Variants in SLIT3 observed in about 807,000 individuals in gnomAD.
The protein encoded by SLIT3 is slit homolog 3 protein.
SLIT3 carries 68 observed loss-of-function variants against 184.0 expected under a neutral mutation model. The observed-to-expected ratio is 0.37, with a 90% confidence interval of 0.30 to 0.45. The LOEUF (loss-of-function observed/expected upper bound fraction) is 0.45. Among genes scored for constraint, SLIT3 ranks in the 20% least tolerant of loss-of-function variants. SLIT3 has a pLI of 1.00. For missense variants in SLIT3, 1,707 were observed against 2,026.0 expected, an observed-to-expected ratio of 0.84 and a Z score of 3.02; for synonymous variants, 831 against 828.6, an observed-to-expected ratio of 1.00 and a Z score of -0.05.
intron 16 of SLIT3, among the ~76,000 whole-genome samples, chr5:168,754,504 G>C (rs1754829233): frequency 6.6e-6 from 1 of 152,108 alleles, no homozygotes; most frequent in African/African-American, 2.4e-5. Flanking sequence ...GGGAGATGAA[G>C]AGAGGTTGGT....
intron 14 of SLIT3, among the ~76,000 whole-genome samples, chr5:168,767,673 G>A (rs1006754682): frequency 6.6e-6 from 1 of 152,214 alleles, no homozygotes; most frequent in African/African-American, 2.4e-5. Flanking sequence ...TTCTCATGCT[G>A]ACGTTCATTT....
intron 4 of SLIT3, among the ~76,000 whole-genome samples, chr5:169,181,096 A>G (rs1763136679): frequency 6.6e-6 from 1 of 152,202 alleles, no homozygotes; most frequent in African/African-American, 2.4e-5. Flanking sequence ...GAAGTCAAAG[A>G]GCTTCCCCCA....
intron 4 of SLIT3, among the ~76,000 whole-genome samples, chr5:169,037,218 T>C (rs1439400571): frequency 6.6e-6 from 1 of 152,264 alleles, no homozygotes; most frequent in Non-Finnish European, 1.5e-5. Context: ...GTAGTCACTT[T>C]TTAATGTCAA....
intron 20 of SLIT3, among the ~76,000 whole-genome samples, chr5:168,743,304 T>G (rs926887710): frequency 2.6e-5 from 4 of 152,252 alleles, no homozygotes; most frequent in African/African-American, 7.2e-5. Flanking sequence ...AGTGCCATTT[T>G]TCCAACAGCA....
chr5:169,090,171 G>A (rs1251222553), intron 4 of SLIT3, among the ~76,000 whole-genome samples: 1 of 152,182 alleles, frequency 6.6e-6, no homozygotes, highest in African/African-American at 2.4e-5. Flanking sequence ...TCTGGCAGGA[G>A]ATGAAAATAC....
intron 3 of SLIT3, among the ~76,000 whole-genome samples, chr5:169,208,711 T>C (rs746834160): frequency 6.6e-6 from 1 of 152,162 alleles, no homozygotes; most frequent in Non-Finnish European, 1.5e-5. Context: ...ATAAGTGGTA[T>C]TGGGAAAACT....
At chr5:168,712,469 G>T in intron 23 of SLIT3, 115 bp from the exon 24 acceptor site, 1 of 831,340 alleles carries the variant, frequency 1.2e-6, no homozygotes, top group Non-Finnish European at 2.1e-6. Context: ...GAGCCCCACT[G>T]CTCCTAGCAG....
intron 6 of SLIT3, among the ~76,000 whole-genome samples, chr5:168,837,191 T>A (rs1400505193): frequency 6.6e-6 from 1 of 152,136 alleles, no homozygotes; most frequent in Non-Finnish European, 1.5e-5. Flanking sequence ...TTAATCCTGA[T>A]TGCATGAACA....
chr5:168,848,584 C>G (rs1230064958), intron 5 of SLIT3, among the ~76,000 whole-genome samples: 2 of 152,080 alleles, frequency 1.3e-5, no homozygotes, highest in Non-Finnish European at 2.9e-5. Flanking sequence ...AAATTAACTG[C>G]TCTAATTTCC....
intron 16 of SLIT3, among the ~76,000 whole-genome samples, chr5:168,754,472 A>T (rs1754827484): frequency 6.6e-6 from 1 of 152,172 alleles, no homozygotes; most frequent in Non-Finnish European, 1.5e-5. Flanking sequence ...AAGGATGGTT[A>T]CCAGAGGCTG....
At chr5:168,924,953 C>A (rs1467474639) in intron 4 of SLIT3, among the ~76,000 whole-genome samples, 1 of 152,122 alleles carries the variant, frequency 6.6e-6, no homozygotes, top group East Asian at 1.9e-4. Context: ...TAAGCAGTTG[C>A]CTCCTCCACT....
At chr5:169,042,197 C>T (rs889960092) in intron 4 of SLIT3, among the ~76,000 whole-genome samples, 1 of 152,112 alleles carries the variant, frequency 6.6e-6, no homozygotes, top group East Asian at 1.9e-4. Flanking sequence ...ACAAACAGAG[C>T]CCCTCAATAC....
chr5:169,059,510 C>T (rs1170904782), intron 4 of SLIT3, among the ~76,000 whole-genome samples: 1 of 152,142 alleles, frequency 6.6e-6, no homozygotes, highest in African/African-American at 2.4e-5. Context: ...GTGATTTGAA[C>T]CCAATGCTCT....
chr5:169,234,669 A>C (rs745679476), intron 3 of SLIT3, among the ~76,000 whole-genome samples: 2 of 152,064 alleles, frequency 1.3e-5, no homozygotes, highest in Non-Finnish European at 2.9e-5. Context: ...CAGCCTCCCA[A>C]AGTGCTGGGA....
chr5:168,690,720 C>T (rs1386394648), intron 29 of SLIT3, among the ~76,000 whole-genome samples: 2 of 152,138 alleles, frequency 1.3e-5, no homozygotes, highest in Non-Finnish European at 2.9e-5. Context: ...CCTGGCATAT[C>T]TGAGGGGGCA....
chr5:169,069,227 T>A (rs1261888029), intron 4 of SLIT3, among the ~76,000 whole-genome samples: 1 of 152,022 alleles, frequency 6.6e-6, no homozygotes, highest in African/African-American at 2.4e-5. Flanking sequence ...CTGAGAGGGG[T>A]CTGGAGTGCC....
At chr5:168,783,268 G>T (rs550193122) in intron 12 of SLIT3, among the ~76,000 whole-genome samples, 3 of 93,744 alleles carry the variant, frequency 3.2e-5, no homozygotes, top group Admixed American at 9.2e-5. Context: ...TGCACTTGCC[G>T]CAGCCTCTAA....
At chr5:169,289,532 T>C (rs1017162334) in intron 1 of SLIT3, among the ~76,000 whole-genome samples, 4 of 152,230 alleles carry the variant, frequency 2.6e-5, no homozygotes, top group African/African-American at 7.2e-5. Context: ...CTGGACATGA[T>C]AAAAGATTTC....
At chr5:168,862,675 G>GT (rs1357740798) in intron 5 of SLIT3, among the ~76,000 whole-genome samples, 1 of 136,878 alleles carries the variant, frequency 7.3e-6, no homozygotes, top group Admixed American at 6.7e-5. Context: ...TTGTTTGTTT[G>GT]TTGTTTTTTT....
Sources: allele counts gnomAD v4.1 joint callset (sites outside exome capture counted in the v4.1 genomes callset), GRCh38; gene constraint gnomAD v4.1.1; transcripts MANE v1.5; gene names NCBI Gene and HGNC (gene_info 2026-07-23, HGNC 2026-07-21).